RFX8: variants seen among roughly 807,000 people sequenced by gnomAD.
RFX8 encodes regulatory factor X8.
A neutral mutation model predicts 54.6 loss-of-function variants in RFX8; 46 were observed. The ratio of observed to expected loss-of-function variants is 0.84; its 90% CI spans 0.67 to 1.08. The LOEUF is 1.08. RFX8 is among the 50% of genes least tolerant of loss of function. The pLI is 0.00. For missense variants in RFX8, 536 were observed against 562.3 expected, an observed-to-expected ratio of 0.95 and a Z score of 0.47; for synonymous variants, 192 against 209.5, an observed-to-expected ratio of 0.92 and a Z score of 0.72.
At chr2:101,448,321 C>T (rs1168223569) in intron 2 of RFX8, among the ~76,000 whole-genome samples, 2 of 152,204 alleles carry the variant, frequency 1.3e-5, no homozygotes, top group Admixed American at 6.5e-5. Context: ...CCTGAACTTT[C>T]CCTCCAGATT....
chr2:101,399,907 T>C lies in RFX8; in HGVS notation c.1246-2183A>G, dbSNP rs115115647. The stretch of plus-strand genomic sequence containing the variant: ...TTAAAGCAGATGGTAGAAAACACTG[T>C]TGGGGAGAGAGAGAATGCTGAGAAG... On this transcript the variant is annotated intron_variant, in intron 11 of 11. Coordinates refer to ENST00000428343, the MANE Select transcript of RFX8 (RefSeq NM_001145664.2). Among the ~76,000 whole-genome samples, 587 of 152,230 alleles carry C rather than the reference T, an allele frequency of 3.9e-3. 6 individuals carry two copies. Among genetic ancestry groups the C allele is most frequent in the African/African-American group, 0.013 (553 of 41,534 alleles).
At chr2:101,470,582 A>G (rs1689920979) in intron 1 of RFX8, among the ~76,000 whole-genome samples, 1 of 152,170 alleles carries the variant, frequency 6.6e-6, no homozygotes, top group African/African-American at 2.4e-5. Context: ...GCCATCAGAC[A>G]AGGTGGATTA....
intron 2 of RFX8, among the ~76,000 whole-genome samples, chr2:101,463,242 G>T (rs1689378153): frequency 6.6e-6 from 1 of 152,190 alleles, no homozygotes; most frequent in South Asian, 2.1e-4. Context: ...TGCTACAGAA[G>T]CCCTTAACAC....
chr2:101,463,148 A>G (rs1036991294), intron 2 of RFX8, among the ~76,000 whole-genome samples: 3 of 152,246 alleles, frequency 2.0e-5, no homozygotes, highest in South Asian at 2.1e-4. Context: ...AAGACAGCAG[A>G]TAACATGCCA....
At chr2:101,443,360 G>A (rs6543061) in intron 2 of RFX8, among the ~76,000 whole-genome samples, 115,151 of 152,140 alleles carry the variant, frequency 0.76, 44,529 homozygotes, top group Middle Eastern at 0.88. Context: ...CTCCACCATC[G>A]TATTTTGACT....
chr2:101,435,183 G>A (rs1229217627), intron 2 of RFX8: 1 of 152,474 alleles, frequency 6.6e-6, no homozygotes, highest in Non-Finnish European at 1.5e-5. Context: ...AGCCCCCTGA[G>A]CTCATGGCTG....
chr2:101,422,670 T>C lies in RFX8; in HGVS notation c.73-198A>G, dbSNP rs147877512. On this transcript the variant is annotated intron_variant, in intron 2 of 11. Coordinates refer to ENST00000428343, the MANE Select transcript of RFX8 (RefSeq NM_001145664.2). ...CTGCTAATTTTTGTCTGTAATTCTA[T>C]GAACGATGGCCATCAGGGAAGGGAT... Among the ~76,000 whole-genome samples, 884 of 152,306 alleles carry C rather than the reference T, an allele frequency of 5.8e-3. 13 individuals carry two copies. Among genetic ancestry groups the C allele is most frequent in the African/African-American group, 0.019 (771 of 41,570 alleles).
At chr2:101,411,985 G>C (rs1427856796) in intron 8 of RFX8, among the ~76,000 whole-genome samples, 1 of 152,178 alleles carries the variant, frequency 6.6e-6, no homozygotes, top group Non-Finnish European at 1.5e-5. Context: ...GCAATGCTGG[G>C]TGGCCCAGGG....
intron 9 of RFX8, among the ~76,000 whole-genome samples, chr2:101,407,133 T>C (rs930992552): frequency 1.2e-4 from 18 of 152,188 alleles, no homozygotes; most frequent in African/African-American, 4.3e-4. Context: ...CCACCACAGC[T>C]CCACCACATG....
At chr2:101,466,615 C>T (rs1689587737) in intron 2 of RFX8, among the ~76,000 whole-genome samples, 162 bp downstream of exon 2, 1 of 152,220 alleles carries the variant, frequency 6.6e-6, no homozygotes, top group African/African-American at 2.4e-5. Flanking sequence ...AACAGGATGG[C>T]TCTTCAATTA....
intron 8 of RFX8, among the ~76,000 whole-genome samples, chr2:101,411,493 C>T (rs1260754206): frequency 5.7e-4 from 6 of 10,544 alleles, no homozygotes; most frequent in African/African-American, 9.7e-4. Context: ...TGGAAGGCAC[C>T]GGGCGGGGGA....
At chr2:101,418,754 A>G (rs1686684258) in intron 5 of RFX8, 97 bp downstream of exon 5, 1 of 745,726 alleles carries the variant, frequency 1.3e-6, no homozygotes. Context: ...TCAGAGGACC[A>G]TGGAGACTGC....
chr2:101,452,043 C>T (rs1255581640), intron 2 of RFX8, among the ~76,000 whole-genome samples: 4 of 150,146 alleles, frequency 2.7e-5, no homozygotes, highest in African/African-American at 7.3e-5. Flanking sequence ...CAGTGAGCAA[C>T]GATTGCAGCA....
chr2:101,466,481 C>T (rs1434510748), intron 2 of RFX8, among the ~76,000 whole-genome samples: 1 of 152,166 alleles, frequency 6.6e-6, no homozygotes, highest in Non-Finnish European at 1.5e-5. Context: ...CAGGGAATAC[C>T]ATGCCAGCAA....
intron 8 of RFX8, among the ~76,000 whole-genome samples, chr2:101,412,507 C>A (rs914105634): frequency 6.6e-6 from 1 of 152,174 alleles, no homozygotes; most frequent in Non-Finnish European, 1.5e-5. Context: ...GAGAATGTGT[C>A]GACGCAGACA....
intron 2 of RFX8, among the ~76,000 whole-genome samples, chr2:101,437,154 T>C (rs1175129409): frequency 6.6e-6 from 1 of 152,200 alleles, no homozygotes; most frequent in Non-Finnish European, 1.5e-5. Context: ...TAAGAAATAA[T>C]TCAGGCTGGG....
At chr2:101,431,572 G>C (rs1687491534) in intron 2 of RFX8, among the ~76,000 whole-genome samples, 1 of 152,140 alleles carries the variant, frequency 6.6e-6, no homozygotes, top group African/African-American at 2.4e-5. Context: ...TAGGTACTCA[G>C]AAACAGATAT....
rs1000507725 is a variant in RFX8 at position 101,459,296 on chromosome 2, T to C, written c.72+7481A>G. ...ATCCTTTGGAGGAGAAGAGGCACTC[T>C]GGTTTTCGGAATTTTCAGCTTTTCT... On this transcript the variant is annotated intron_variant, in intron 2 of 11. Transcript: ENST00000428343. Among the ~76,000 whole-genome samples the C allele has an allele frequency of 3.9e-5, 6 of 152,238 alleles. No individual in the cohort carries two copies. The East Asian group carries it at 5.8e-4, about 15-fold the overall frequency.
intron 2 of RFX8, among the ~76,000 whole-genome samples, chr2:101,424,641 G>C (rs184754257): frequency 3.9e-5 from 6 of 152,202 alleles, no homozygotes; most frequent in Non-Finnish European, 7.4e-5. Flanking sequence ...TGACAGACTG[G>C]GTAAAGAAAA....
Sources: allele counts gnomAD v4.1 joint callset (sites outside exome capture counted in the v4.1 genomes callset), GRCh38; gene constraint gnomAD v4.1.1; transcripts MANE v1.5; gene names NCBI Gene and HGNC (gene_info 2026-07-23, HGNC 2026-07-21).